Variants in RLN2 observed in about 807,000 individuals in gnomAD.
The protein encoded by RLN2 is prorelaxin H2.
Under a neutral mutation model 7.3 loss-of-function variants are expected in RLN2, and 10 were observed. That is an observed-to-expected ratio of 1.36 (90% confidence interval 0.84 to 2.31). The LOEUF (loss-of-function observed/expected upper bound fraction) is 2.31, where lower values mean the gene tolerates loss of function less well. RLN2 is among the 30% of genes most tolerant of loss of function. The pLI is 0.00. For synonymous variants in RLN2, 103 were observed against 82.3 expected (o/e 1.25, Z -1.36); for missense variants, 298 against 217.6 (o/e 1.37, Z -2.32).
At chr9:5,328,883 G>C in the RLN2 span, among the ~76,000 whole-genome samples, 1 of 152,046 alleles carries the variant, frequency 6.6e-6, no homozygotes, top group African/African-American at 2.4e-5. Context: ...AGAAAATGCT[G>C]AGAGATTTTG....
At chr9:5,326,149 T>C in the RLN2 span, among the ~76,000 whole-genome samples, 1 of 152,130 alleles carries the variant, frequency 6.6e-6, no homozygotes, top group Non-Finnish European at 1.5e-5. Flanking sequence ...AAAATGGACC[T>C]TTTTAGTGTT....
chr9:5,321,630 G>A, the RLN2 span, among the ~76,000 whole-genome samples: 1 of 151,842 alleles, frequency 6.6e-6, no homozygotes, highest in Non-Finnish European at 1.5e-5. Context: ...ATGCAGGGTG[G>A]GGGGAAGCAA....
At chr9:5,310,264 C>T in the RLN2 span, among the ~76,000 whole-genome samples, 1 of 151,954 alleles carries the variant, frequency 6.6e-6, no homozygotes, top group Non-Finnish European at 1.5e-5. Flanking sequence ...GCTGCTTTAG[C>T]TCTTGCATTC....
the RLN2 span, among the ~76,000 whole-genome samples, chr9:5,315,073 G>T: frequency 2.6e-5 from 4 of 151,886 alleles, no homozygotes; most frequent in African/African-American, 4.8e-5. Flanking sequence ...CTATTAAAAA[G>T]CAAGAAACAT....
the RLN2 span, among the ~76,000 whole-genome samples, chr9:5,318,403 T>C: frequency 1.3e-5 from 2 of 151,982 alleles, no homozygotes; most frequent in Non-Finnish European, 2.9e-5. Flanking sequence ...GTGGTTTTTT[T>C]CTATGGTTAC....
chr9:5,315,186 A>T, the RLN2 span, among the ~76,000 whole-genome samples: 1 of 152,108 alleles, frequency 6.6e-6, no homozygotes, highest in Admixed American at 6.6e-5. Context: ...GGAAACTCAG[A>T]TAGATCTGAG....
chr9:5,327,663 G>A, the RLN2 span, among the ~76,000 whole-genome samples: 188 of 152,106 alleles, frequency 1.2e-3, 4 homozygotes, highest in East Asian at 0.033. Flanking sequence ...GGGGCTGACA[G>A]ACACTTCAAA....
At chr9:5,314,970 A>G in the RLN2 span, among the ~76,000 whole-genome samples, 35 of 151,986 alleles carry the variant, frequency 2.3e-4, no homozygotes, top group South Asian at 1.9e-3. Flanking sequence ...TGCCTTCCAG[A>G]GTCAAAGTCT....
the RLN2 span, among the ~76,000 whole-genome samples, chr9:5,327,163 G>A: frequency 6.6e-6 from 1 of 152,186 alleles, no homozygotes; most frequent in Admixed American, 6.5e-5. Flanking sequence ...ATAACAGACT[G>A]TAGCTGGAGA....
Position 5,300,373 on chromosome 9 carries a change from G to C in RLN2, c.283C>G (p.Pro95Ala). The C allele has an allele frequency of 6.2e-7, 1 of 1,613,510 alleles. No individual in the cohort carries two copies. Among genetic ancestry groups the C allele is most frequent in the Non-Finnish European group, 8.5e-7 (1 of 1,179,838 alleles). The change falls in exon 2 of 2, where the codon CCA (proline) becomes GCA (alanine). Residue 95 changes from proline (P) to alanine (A), a missense_variant. Physicochemically the swap from Pro to Ala is conservative, Grantham distance 27. Coordinates refer to ENST00000381627, the MANE Select transcript of RLN2 (RefSeq NM_134441.3). ...NMMSEFVANLPQELKLTLSEM... is the reference protein window; with the variant it reads ...NMMSEFVANLAQELKLTLSEM... ...GACAGGGTTAACTTCAGCTCCTGTG[G>C]CAAATTAGCAACAAATTCTGACATC...
At chr9:5,307,635 T>A (rs1816278643), upstream of RLN2, among the ~76,000 whole-genome samples, 1 of 152,024 alleles carries the variant, frequency 6.6e-6, no homozygotes, top group South Asian at 2.1e-4. Flanking sequence ...GCTTTCTGCA[T>A]CTGGGGGTGC....
At chr9:5,315,568 G>C in the RLN2 span, among the ~76,000 whole-genome samples, 6 of 151,976 alleles carry the variant, frequency 3.9e-5, no homozygotes, top group African/African-American at 1.5e-4. Context: ...AGTTTTGAAA[G>C]AGATTTGAAC....
At chr9:5,335,382 T>G in the RLN2 span, 24 of 1,613,592 alleles carry the variant, frequency 1.5e-5, no homozygotes, top group South Asian at 2.5e-4. Context: ...GAAGGATTGC[T>G]GTCTGCGGCT....
chr9:5,329,749 G>T, the RLN2 span, among the ~76,000 whole-genome samples: 2 of 151,896 alleles, frequency 1.3e-5, no homozygotes, highest in Admixed American at 6.6e-5. Context: ...GGAGCACCCA[G>T]ATTCATAAAA....
chr9:5,315,565 A>G, the RLN2 span, among the ~76,000 whole-genome samples: 37 of 152,168 alleles, frequency 2.4e-4, no homozygotes, highest in African/African-American at 8.4e-4. Flanking sequence ...CCAAGTTTTG[A>G]AAGAGATTTG....
intron 1 of RLN2, among the ~76,000 whole-genome samples, chr9:5,301,376 A>G (rs1173444797): frequency 1.3e-5 from 2 of 152,182 alleles, no homozygotes; most frequent in African/African-American, 2.4e-5. Context: ...ACCTGTTTCC[A>G]TGTCTCTGGC....
At chr9:5,312,621 G>A in the RLN2 span, among the ~76,000 whole-genome samples, 1 of 151,958 alleles carries the variant, frequency 6.6e-6, no homozygotes, top group African/African-American at 2.4e-5. Context: ...GAGTATAAAA[G>A]TTGTTGTATA....
chr9:5,325,829 T>C, the RLN2 span, among the ~76,000 whole-genome samples: 6 of 152,068 alleles, frequency 3.9e-5, no homozygotes, highest in South Asian at 6.2e-4. Context: ...AATATCTATA[T>C]CTGAAAGGTG....
the RLN2 span, among the ~76,000 whole-genome samples, chr9:5,312,352 G>A: frequency 2.6e-5 from 4 of 152,034 alleles, no homozygotes; most frequent in Admixed American, 2.6e-4. Flanking sequence ...AGGCAATCTG[G>A]ACTTTCCAGT....
Sources: allele counts gnomAD v4.1 joint callset (sites outside exome capture counted in the v4.1 genomes callset), GRCh38; gene constraint gnomAD v4.1.1; transcripts MANE v1.5; gene names NCBI Gene and HGNC (gene_info 2026-07-23, HGNC 2026-07-21).